The following ACAD10 variants were observed in gnomAD, a reference collection of about 807,000 sequenced individuals.
The protein encoded by ACAD10 is ACAD-10.
In ACAD10, 112 loss-of-function variants were observed where a neutral mutation model predicts 116.8. The ratio of observed to expected loss-of-function variants is 0.96; its 90% CI spans 0.82 to 1.12. The LOEUF (loss-of-function observed/expected upper bound fraction) is 1.12, where lower values mean the gene tolerates loss of function less well. Ranked by LOEUF, ACAD10 falls within the 50% of genes most tolerant of loss-of-function variation. The probability of loss-of-function intolerance (pLI) is 0.00; values close to 1 mark genes in which losing one functional copy is unlikely to be tolerated. For missense variants in ACAD10, 1,259 were observed against 1,350.2 expected (o/e 0.93, Z 1.06); for synonymous variants, 486 against 510.6 (o/e 0.95, Z 0.65).
intron 2 of ACAD10, among the ~76,000 whole-genome samples, chr12:111,697,245 GA>G (rs577800040): frequency 6.9e-6 from 1 of 145,968 alleles, no homozygotes; most frequent in African/African-American, 2.5e-5. Context: ...CGTCTTGGGA[GA>G]AAAAAAAAAT....
chr12:111,754,932 G>A (rs1217050759), intron 19 of ACAD10, among the ~76,000 whole-genome samples: 2 of 152,194 alleles, frequency 1.3e-5, no homozygotes, highest in African/African-American at 2.4e-5. Context: ...CCAACATGGC[G>A]CCCTTCATCC....
chr12:111,707,642 C>G (rs920020773), intron 4 of ACAD10, among the ~76,000 whole-genome samples: 4 of 152,176 alleles, frequency 2.6e-5, no homozygotes, highest in African/African-American at 7.2e-5. Flanking sequence ...TTAAATTTCT[C>G]TGATAACTCA....
chr12:111,752,760 T>A (rs1890108942), intron 18 of ACAD10: 2 of 152,106 alleles, frequency 1.3e-5, no homozygotes, highest in African/African-American at 4.8e-5. Context: ...CTAGGTGCTC[T>A]TACTGTCTTC....
In ACAD10 at chr12:111,727,971, C is replaced by A; in HGVS notation, c.1071C>A (p.Gly357=). 1 of 1,608,944 alleles carries A rather than the reference C, an allele frequency of 6.2e-7. No individual in the cohort carries two copies. Among genetic ancestry groups the A allele is most frequent in the Non-Finnish European group, 8.5e-7 (1 of 1,178,174 alleles). The part of the protein sequence containing the change: ...LDLCEDSSVI[G]TPFYVMEYCP... ...TCTGTGTTCCTCCCAGTGTCATTGG[C>A]ACCCCCTTCTATGTGATGGAGTACT... Residue 357 remains glycine, a synonymous_variant, in exon 9 of 21, where the codon GGC becomes GGA. Coordinates refer to ENST00000313698, the MANE Select transcript of ACAD10 (RefSeq NM_025247.6).
rs752052463 is a variant in ACAD10, at chr12:111,756,594, C to T, written c.*121C>T. The T allele has an allele frequency of 3.7e-5, 54 of 1,456,770 alleles. No individual in the cohort carries two copies. Among genetic ancestry groups the T allele is most frequent in the Middle Eastern group, 3.4e-4 (2 of 5,820 alleles). 90.2% of individuals were successfully genotyped at this position (1,456,770 alleles called of 1,614,324 possible). Reference sequence around the variant, plus strand: ...TGCACCCTGCTCAGCAGCTCTGTCCCGGGACAGTCAGGGTGGACTCAATCT... The same window carrying T: ...TGCACCCTGCTCAGCAGCTCTGTCCTGGGACAGTCAGGGTGGACTCAATCT... On this transcript the variant is annotated 3_prime_UTR_variant, in exon 21 of 21. Coordinates refer to ENST00000313698, the MANE Select transcript of ACAD10 (RefSeq NM_025247.6).
intron 9 of ACAD10, among the ~76,000 whole-genome samples, chr12:111,728,716 GTC>G: frequency 6.6e-6 from 1 of 152,174 alleles, no homozygotes; most frequent in South Asian, 2.1e-4. Context: ...TTGAGACAGG[GTC>G]TCTCTCTGTC....
chr12:111,726,212 C>CCT (rs1889209712), intron 8 of ACAD10, among the ~76,000 whole-genome samples: 1 of 152,012 alleles, frequency 6.6e-6, no homozygotes, highest in Non-Finnish European at 1.5e-5. Flanking sequence ...CAAGATCGCA[C>CCT]CACTGCACTC....
intron 16 of ACAD10, among the ~76,000 whole-genome samples, chr12:111,748,080 C>T (rs1030288444): frequency 2.0e-5 from 3 of 152,154 alleles, no homozygotes; most frequent in East Asian, 1.9e-4. Context: ...ATTTTCTACT[C>T]TATGTGATGC....
chr12:111,687,953 T>C (rs1887924296), intron 1 of ACAD10: 1 of 151,438 alleles, frequency 6.6e-6, no homozygotes, highest in Admixed American at 6.6e-5. Flanking sequence ...CACTGCAACC[T>C]CGGCTTCCTG....
chr12:111,715,895 C>G lies in ACAD10; in HGVS notation c.925C>G (p.Leu309Val), dbSNP rs1444927651. 1.2e-6 allele frequency: 2 copies of G among 1,614,110 alleles called. No homozygotes were observed. The highest frequency in any genetic ancestry group is 1.7e-6 in the Non-Finnish European group (2 of 1,180,024). ...TYYIRLANRD[L>V]VLRKKPPGTL... ...CTACATCAGGCTGGCTAATCGTGAT[C>G]TAGTTCTGAGGAAGAAGCCCCCAGG... Residue 309 changes from leucine to valine, a missense_variant, in exon 7 of 21, where the codon CTA becomes GTA. By Grantham distance (32) the Leu-to-Val change is conservative. Transcript: ENST00000313698.
chr12:111,696,678 C>T (rs767955890), intron 2 of ACAD10, among the ~76,000 whole-genome samples: 2 of 152,124 alleles, frequency 1.3e-5, no homozygotes, highest in Admixed American at 6.6e-5. Flanking sequence ...AAAATTAGTA[C>T]GCACAACAAA....
Position 111,749,343 on chromosome 12 carries a change from C to A in ACAD10, c.2815C>A (p.Arg939Ser). The A allele has an allele frequency of 6.2e-7, 1 of 1,611,410 alleles. No homozygotes were observed. Among genetic ancestry groups the A allele is most frequent in the Non-Finnish European group, 8.5e-7 (1 of 1,178,754 alleles). Reference protein sequence around the residue: ...SERALALMKARVKSRLAFGKP... With the variant: ...SERALALMKASVKSRLAFGKP... ...GAGGGCCCTGGCACTCATGAAGGCC[C>A]GCGTGAGTGCTTTCCCCCGCACCCA... is the stretch of plus-strand genomic sequence containing the variant. The change falls in exon 18 of 21, where the codon CGC (arginine) becomes AGC (serine). Residue 939 changes from arginine (R) to serine (S), a missense_variant and splice_region_variant. Coordinates refer to ENST00000313698, the MANE Select transcript of ACAD10 (RefSeq NM_025247.6).
chr12:111,753,559 A>G (rs1449687727), intron 18 of ACAD10: 1 of 722,976 alleles, frequency 1.4e-6, no homozygotes, highest in Non-Finnish European at 2.5e-6. Context: ...TGGCTGTGGC[A>G]CACGTGAAGG....
intron 18 of ACAD10, chr12:111,753,432 A>T (rs768003289): frequency 2.0e-6 from 1 of 490,302 alleles, no homozygotes; most frequent in African/African-American, 1.9e-5. Context: ...CTTGGGTCAG[A>T]TGCTGGCTCA....
At position 111,715,908 on chromosome 12, in the gene ACAD10, A is replaced by C; in HGVS notation, c.938A>C (p.Lys313Thr). The C allele has an allele frequency of 6.2e-7, 1 of 1,614,140 alleles. No homozygotes were observed. Among genetic ancestry groups the C allele is most frequent in the Non-Finnish European group, 8.5e-7 (1 of 1,180,008 alleles). Residue 313 changes from lysine to threonine, a missense_variant, in exon 7 of 21, where the codon AAG (lysine) becomes ACG (threonine). By Grantham distance (78) the Lys-to-Thr change is moderately conservative. Transcript: ENST00000313698. ...GCTAATCGTGATCTAGTTCTGAGGA[A>C]GAAGCCCCCAGGGACACTCCTTCCA... Reference protein sequence around the residue: ...RLANRDLVLRKKPPGTLLPSA... With the variant: ...RLANRDLVLRTKPPGTLLPSA...
intron 8 of ACAD10, among the ~76,000 whole-genome samples, chr12:111,723,758 C>T (rs1317406439): frequency 2.0e-5 from 3 of 149,804 alleles, no homozygotes; most frequent in Non-Finnish European, 4.5e-5. Flanking sequence ...GATGGGGTGG[C>T]TGCCGGGCAG....
intron 18 of ACAD10, chr12:111,749,829 C>T (rs1186948101): frequency 2.1e-5 from 3 of 145,302 alleles, no homozygotes; most frequent in African/African-American, 7.8e-5. Context: ...GGCTGGAGTT[C>T]AGTGGTGTGA....
At chr12:111,688,780 C>T (rs1016090713) in intron 1 of ACAD10, among the ~76,000 whole-genome samples, 13 of 149,744 alleles carry the variant, frequency 8.7e-5, no homozygotes, top group South Asian at 4.2e-4. Context: ...CCAGCCTGGG[C>T]GACAGAGCAA....
chr12:111,718,629 G>A (rs763421509), intron 7 of ACAD10, among the ~76,000 whole-genome samples: 2 of 151,968 alleles, frequency 1.3e-5, no homozygotes, highest in Non-Finnish European at 2.9e-5. Context: ...ACAGGCATGC[G>A]CCACCATACC....
Sources: allele counts gnomAD v4.1 joint callset (sites outside exome capture counted in the v4.1 genomes callset), GRCh38; gene constraint gnomAD v4.1.1; transcripts MANE v1.5; gene names NCBI Gene and HGNC (gene_info 2026-07-23, HGNC 2026-07-21).